Variants in SAMHD1 observed in about 807,000 individuals in gnomAD.
SAMHD1 encodes deoxynucleoside triphosphate triphosphohydrolase SAMHD1.
Under a neutral mutation model 79.6 loss-of-function variants are expected in SAMHD1, and 54 were observed. That is an observed-to-expected ratio of 0.68 (90% CI 0.55 to 0.85). SAMHD1 has a LOEUF of 0.85. Among genes scored for constraint, SAMHD1 ranks in the 40% least tolerant of loss-of-function variants. The pLI, the probability that SAMHD1 is intolerant of heterozygous loss-of-function variation, is 0.00. For synonymous variants in SAMHD1, 260 were observed against 264.1 expected, an observed-to-expected ratio of 0.98 and a Z score of 0.15; for missense variants, 663 against 782.7, an observed-to-expected ratio of 0.85 and a Z score of 1.82.
rs1469886260 is a variant in SAMHD1, at chr20:36,949,631, C to T, written c.208+1805G>A. Among the ~76,000 whole-genome samples the T allele has an allele frequency of 2.0e-5, 3 of 151,518 alleles. No individual in the cohort carries two copies. In the East Asian group the frequency reaches 5.8e-4, roughly 29 times the overall value. On this transcript the variant is annotated intron_variant, in intron 1 of 15. Transcript: ENST00000646673. ...AATTAGCTGGGCGTGGTGGCACATG[C>T]CTGTAATCCCAGCTACTCGGGAGGC...
At chr20:36,924,010 G>A (rs538975132) in intron 6 of SAMHD1, among the ~76,000 whole-genome samples, 44 of 152,242 alleles carry the variant, frequency 2.9e-4, no homozygotes, top group African/African-American at 9.9e-4. Context: ...AGCACTTTAG[G>A]AGGCCAAGCG....
At chr20:36,893,846 G>A in intron 15 of SAMHD1, 1 of 398,592 alleles carries the variant, frequency 2.5e-6, no homozygotes, top group Non-Finnish European at 4.4e-6. Context: ...TCTCACAGGA[G>A]CTACTCCGGT....
chr20:36,930,451 G>A (rs2063561809), intron 5 of SAMHD1, among the ~76,000 whole-genome samples: 1 of 151,742 alleles, frequency 6.6e-6, no homozygotes, highest in African/African-American at 2.4e-5. Flanking sequence ...AACCGATAAT[G>A]AGCCACTCAC....
chr20:36,910,483 A>G (rs530445926), intron 11 of SAMHD1, among the ~76,000 whole-genome samples: 2 of 152,058 alleles, frequency 1.3e-5, no homozygotes, highest in Middle Eastern at 3.4e-3. Flanking sequence ...TAATCCTAGC[A>G]CTCTGGGAGA....
At position 36,898,441 on chromosome 20, in the gene SAMHD1, T is replaced by G; in HGVS notation, c.1607A>C (p.Gln536Pro). 6.2e-7 allele frequency: 1 copy of G among 1,608,880 alleles called. No homozygotes were observed. Among genetic ancestry groups the G allele is most frequent in the Non-Finnish European group, 8.5e-7 (1 of 1,175,256 alleles). The change falls in exon 14 of 16, where the codon CAG becomes CCG. Residue 536 changes from glutamine (Q) to proline (P), a missense_variant and splice_region_variant. Coordinates refer to ENST00000646673, the MANE Select transcript of SAMHD1 (RefSeq NM_015474.4). ...TATTTGTTTTGCCTAAGTAGTTACCTGGTTTTTAGTAATCCTGATTGCTCT... is the reference window on the plus strand; with the variant it reads ...TATTTGTTTTGCCTAAGTAGTTACCGGGTTTTTAGTAATCCTGATTGCTCT... ...PNRAIRITKN[Q>P]VSQLLPEKFA...
intron 13 of SAMHD1, among the ~76,000 whole-genome samples, chr20:36,901,966 A>C (rs937407666): frequency 6.6e-6 from 1 of 152,202 alleles, no homozygotes; most frequent in South Asian, 2.1e-4. Flanking sequence ...TTTCCCCACT[A>C]TAAGAATGGG....
At chr20:36,899,077 G>A (rs551531389) in intron 13 of SAMHD1, among the ~76,000 whole-genome samples, 3 of 152,052 alleles carry the variant, frequency 2.0e-5, no homozygotes, top group African/African-American at 7.2e-5. Context: ...GCACTTGTGT[G>A]TTTGATCTAA....
Position 36,905,507 on chromosome 20 carries a change from C to A in SAMHD1, c.1271-4G>T, listed in dbSNP as rs1449931500. 2 of 1,595,004 alleles carry A rather than the reference C, an allele frequency of 1.3e-6. No individual in the cohort carries two copies. Among genetic ancestry groups the A allele is most frequent in the East Asian group, 2.2e-5 (1 of 44,732 alleles). On this transcript the variant is annotated splice_polypyrimidine_tract_variant and splice_region_variant and intron_variant, in intron 11 of 15. Transcript: ENST00000646673. ...AAAATCTCCAGAAAAATGTTATCTG[C>A]CAATTTAATGACATTTCAGTTATAT...
rs575188211 is a variant in SAMHD1 at position 36,931,065 on chromosome 20, A to G, written c.510-190T>C. Reference sequence around the variant, plus strand: ...TCCCAAAAGCAGGACCTCTGGCTCAATATCACCAATCATTAGAGGAATGCA... The same window carrying G: ...TCCCAAAAGCAGGACCTCTGGCTCAGTATCACCAATCATTAGAGGAATGCA... On this transcript the variant is annotated intron_variant, in intron 4 of 15. Transcript: ENST00000646673. 1.4e-3 allele frequency: 894 copies of G among 622,196 alleles called. 3 individuals carry two copies. The highest frequency in any genetic ancestry group is 2.4e-3 in the Non-Finnish European group (829 of 340,382). 38.5% of individuals were successfully genotyped at this position (622,196 alleles called of 1,614,324 possible).
chr20:36,951,655 G>T lies in SAMHD1; in HGVS notation c.-12C>A. ...TCGGCTCGCTGCATGGCTACACCTG[G>T]CGTCCGGCACAGCAGTCAAGAACCT... On this transcript the variant is annotated 5_prime_UTR_variant, in exon 1 of 16. Coordinates refer to ENST00000646673, the MANE Select transcript of SAMHD1 (RefSeq NM_015474.4). 2 of 1,612,778 alleles carry T rather than the reference G, an allele frequency of 1.2e-6. No homozygotes were observed. The highest frequency in any genetic ancestry group is 1.7e-6 in the Non-Finnish European group (2 of 1,179,966).
At chr20:36,942,960 TCTTA>T (rs1428384625) in intron 2 of SAMHD1, among the ~76,000 whole-genome samples, 1 of 152,082 alleles carries the variant, frequency 6.6e-6, no homozygotes, top group East Asian at 1.9e-4. Context: ...CTGGCCTGTT[TCTTA>T]CTTGTTAAAA....
In SAMHD1 at chr20:36,951,636, C is replaced by CGCT. The variant is rs758547160; in HGVS notation, c.5_7dup (p.Gln2dup). 1.4e-5 allele frequency: 22 copies of CGCT among 1,613,446 alleles called. No homozygotes were observed. Among genetic ancestry groups the CGCT allele is most frequent in the Admixed American group, 3.3e-5 (2 of 60,006 alleles). On this transcript the variant is annotated inframe_insertion, in exon 1 of 16. Transcript: ENST00000646673. ...CTTGGAGGGCTGCTCGGAATCGGCTCGCTGCATGGCTACACCTGGCGTCCG... is the reference window on the plus strand; with the variant it reads ...CTTGGAGGGCTGCTCGGAATCGGCTCGCTGCTGCATGGCTACACCTGGCGTCCG...
intron 5 of SAMHD1, among the ~76,000 whole-genome samples, chr20:36,928,034 C>A (rs2063546765): frequency 6.6e-6 from 1 of 152,092 alleles, no homozygotes; most frequent in Non-Finnish European, 1.5e-5. Flanking sequence ...AATGTTAATG[C>A]CAAAAACTTT....
intron 1 of SAMHD1, among the ~76,000 whole-genome samples, chr20:36,950,544 C>T (rs1438969755): frequency 6.6e-6 from 1 of 152,162 alleles, no homozygotes; most frequent in Non-Finnish European, 1.5e-5. Flanking sequence ...TCAAATCTCA[C>T]ACCCACCACA....
At chr20:36,893,120 CTTA>C in intron 15 of SAMHD1, 54 bp from the exon 16 acceptor site, 1 of 1,601,952 alleles carries the variant, frequency 6.2e-7, no homozygotes, top group South Asian at 1.1e-5. Flanking sequence ...TTTCCATCAT[CTTA>C]TTTCTGAGTG....
At chr20:36,893,157 C>T in intron 15 of SAMHD1, 91 bp from the exon 16 acceptor site, 2 of 1,487,700 alleles carry the variant, frequency 1.3e-6, no homozygotes, top group South Asian at 1.1e-5. Flanking sequence ...CGCACATCCT[C>T]ATCTTGCATA....
intron 13 of SAMHD1, 40 bp from the exon 14 acceptor site, chr20:36,898,584 G>C: frequency 6.7e-7 from 1 of 1,482,454 alleles, no homozygotes; most frequent in Non-Finnish European, 9.4e-7. Context: ...ATAGCAAGCA[G>C]GAGAACTGAA....
intron 6 of SAMHD1, among the ~76,000 whole-genome samples, chr20:36,921,037 G>A (rs181551659): frequency 3.3e-5 from 5 of 151,968 alleles, no homozygotes; most frequent in Non-Finnish European, 7.4e-5. Context: ...AGTTAGCTAT[G>A]TTCATGCCTG....
chr20:36,903,215 A>G (rs1461828179), intron 13 of SAMHD1, among the ~76,000 whole-genome samples: 4 of 152,190 alleles, frequency 2.6e-5, no homozygotes, highest in South Asian at 4.2e-4. Flanking sequence ...TTGAATGTTG[A>G]TAAGGTCCAG....
Sources: gnomAD v4.1 joint callset for allele counts (sites outside exome capture counted in the v4.1 genomes callset) on GRCh38, gnomAD v4.1.1 for gene constraint, MANE v1.5 for transcripts, NCBI Gene and HGNC (gene_info 2026-07-23, HGNC 2026-07-21) for gene names.